Variants in RALYL observed in about 807,000 individuals in gnomAD.
The protein encoded by RALYL is RALY RNA binding protein like.
Under a neutral mutation model 35.1 loss-of-function variants are expected in RALYL, and 29 were observed. That is an observed-to-expected ratio of 0.83 (90% CI 0.61 to 1.13). RALYL has a LOEUF of 1.13. RALYL is among the 50% of genes most tolerant of loss of function. The pLI, the probability that RALYL is intolerant of heterozygous loss-of-function variation, is 0.00. For missense variants in RALYL, 359 were observed against 360.4 expected (o/e 1.00, Z 0.03); for synonymous variants, 120 against 127.6 (o/e 0.94, Z 0.40).
At chr8:84,408,236 G>T (rs2058746209) in intron 1 of RALYL, among the ~76,000 whole-genome samples, 1 of 151,848 alleles carries the variant, frequency 6.6e-6, no homozygotes, top group Admixed American at 6.6e-5. Context: ...TTTTTCTGTT[G>T]AACACAATAG....
In RALYL at chr8:84,833,570, G is replaced by A. The variant is rs562457374; in HGVS notation, c.366-16410G>A. On this transcript the variant is annotated intron_variant, in intron 4 of 8. Transcript: ENST00000521268. Reference sequence around the variant, plus strand: ...GGAGAATTGCTTGAACCCAGGAGGCGGAGGTTGCAGTGAGCTGAGATTGCG... The same window carrying A: ...GGAGAATTGCTTGAACCCAGGAGGCAGAGGTTGCAGTGAGCTGAGATTGCG... Among the ~76,000 whole-genome samples, 7 of 151,480 alleles carry A rather than the reference G, an allele frequency of 4.6e-5. No individual in the cohort carries two copies. The South Asian group carries it at 6.3e-4, about 14-fold the overall frequency.
At chr8:84,223,769 G>T (rs1402747963) in intron 1 of RALYL, among the ~76,000 whole-genome samples, 1 of 152,194 alleles carries the variant, frequency 6.6e-6, no homozygotes, top group African/African-American at 2.4e-5. Context: ...GTGGGAAGTG[G>T]CACATAGTAA....
chr8:84,500,143 A>C (rs2056503744), intron 1 of RALYL, among the ~76,000 whole-genome samples: 1 of 152,144 alleles, frequency 6.6e-6, no homozygotes, highest in South Asian at 2.1e-4. Flanking sequence ...ACTTAAGACA[A>C]ATTTCTATAA....
At chr8:84,471,178 C>G (rs941446938) in intron 1 of RALYL, among the ~76,000 whole-genome samples, 4 of 152,102 alleles carry the variant, frequency 2.6e-5, no homozygotes, top group Admixed American at 2.6e-4. Flanking sequence ...CACACCATGT[C>G]TGGTAGAAAA....
intron 1 of RALYL, among the ~76,000 whole-genome samples, chr8:84,277,159 A>G (rs946451645): frequency 6.6e-6 from 1 of 152,206 alleles, no homozygotes; most frequent in African/African-American, 2.4e-5. Flanking sequence ...GTAATTTATG[A>G]AAGAAAGAGG....
intron 2 of RALYL, among the ~76,000 whole-genome samples, chr8:84,683,250 C>T (rs1835991550): frequency 6.6e-6 from 1 of 152,124 alleles, no homozygotes; most frequent in Non-Finnish European, 1.5e-5. Flanking sequence ...CTGAGGAGAG[C>T]TTTACTTCCA....
intron 1 of RALYL, among the ~76,000 whole-genome samples, chr8:84,338,942 T>C (rs112995606): frequency 5.9e-5 from 9 of 152,120 alleles, no homozygotes; most frequent in South Asian, 2.1e-4. Flanking sequence ...ATAGAAATTT[T>C]AAAAATATAA....
intron 4 of RALYL, among the ~76,000 whole-genome samples, chr8:84,846,163 T>C (rs1834605860): frequency 6.6e-6 from 1 of 152,224 alleles, no homozygotes; most frequent in Non-Finnish European, 1.5e-5. Context: ...AATAGTTTCT[T>C]CCAGTTCTTT....
chr8:84,877,313 C>A (rs796553517), intron 7 of RALYL, among the ~76,000 whole-genome samples: 35 of 152,030 alleles, frequency 2.3e-4, no homozygotes, highest in African/African-American at 8.2e-4. Context: ...ATGGTGAAAC[C>A]CTGTCTCTAC....
intron 1 of RALYL, among the ~76,000 whole-genome samples, chr8:84,322,354 G>A (rs1845024111): frequency 6.6e-6 from 1 of 152,046 alleles, no homozygotes; most frequent in Admixed American, 6.6e-5. Flanking sequence ...AAAATTATAG[G>A]TAGGAGGAAC....
intron 1 of RALYL, among the ~76,000 whole-genome samples, chr8:84,286,035 G>A (rs898150049): frequency 3.9e-5 from 6 of 152,134 alleles, no homozygotes; most frequent in African/African-American, 1.4e-4. Flanking sequence ...ACAGCAGAGG[G>A]TGGTGACAAA....
In RALYL at chr8:84,851,556, G is replaced by A. The variant is rs117918438; in HGVS notation, c.413+1529G>A. Reference sequence around the variant, plus strand: ...TATGCAAACAACAAAAAAAACCTTAGGTACTGTATAAAAATGCAAACTTAG... The same window carrying A: ...TATGCAAACAACAAAAAAAACCTTAAGTACTGTATAAAAATGCAAACTTAG... On this transcript the variant is annotated intron_variant, in intron 5 of 8. Transcript: ENST00000521268. Among the ~76,000 whole-genome samples, 302 of 152,108 alleles carry A rather than the reference G, an allele frequency of 2.0e-3. 7 individuals carry two copies. In the East Asian group the frequency reaches 0.047, roughly 24 times the overall value.
rs1376557225 is a variant in RALYL at position 84,609,620 on chromosome 8, C to G, written c.256+80043C>G. 5.3e-5 allele frequency among the ~76,000 whole-genome samples: 8 copies of G among 152,260 alleles called. No individual in the cohort carries two copies. The East Asian group carries it at 5.8e-4, about 11-fold the overall frequency. Reference sequence around the variant, plus strand: ...TTAAAACGATTTTTTGAAACAATTTCAGTTTAACAGAAAAATTGAGCAGAC... The same window carrying G: ...TTAAAACGATTTTTTGAAACAATTTGAGTTTAACAGAAAAATTGAGCAGAC... On this transcript the variant is annotated intron_variant, in intron 2 of 8. Transcript: ENST00000521268.
chr8:84,722,641 A>ATATG (rs1300639544), intron 2 of RALYL, among the ~76,000 whole-genome samples: 1 of 143,782 alleles, frequency 7.0e-6, no homozygotes. Flanking sequence ...ATATATATAT[A>ATATG]TATATATGTA....
At chr8:84,792,639 G>A (rs1440035435) in intron 3 of RALYL, among the ~76,000 whole-genome samples, 1 of 152,182 alleles carries the variant, frequency 6.6e-6, no homozygotes, top group Non-Finnish European at 1.5e-5. Flanking sequence ...ACTCCCGTGT[G>A]TTCTGTCCAT....
chr8:84,791,342 C>T (rs1237317705), intron 3 of RALYL, among the ~76,000 whole-genome samples: 2 of 151,968 alleles, frequency 1.3e-5, no homozygotes, highest in Non-Finnish European at 2.9e-5. Context: ...GCAAGGATGC[C>T]AATGTTTCTA....
chr8:84,803,825 A>AAAT (rs1474193418), intron 3 of RALYL, among the ~76,000 whole-genome samples: 1 of 152,234 alleles, frequency 6.6e-6, no homozygotes, highest in Non-Finnish European at 1.5e-5. Context: ...ACATTTATAA[A>AAAT]AATAAATGTT....
chr8:84,761,634 C>A (rs1812733398), intron 2 of RALYL, among the ~76,000 whole-genome samples: 1 of 152,088 alleles, frequency 6.6e-6, no homozygotes, highest in Non-Finnish European at 1.5e-5. Context: ...CCTTCCACAG[C>A]AATGTTGAGT....
intron 3 of RALYL, among the ~76,000 whole-genome samples, chr8:84,800,731 C>T (rs930931983): frequency 6.6e-6 from 1 of 152,112 alleles, no homozygotes; most frequent in Admixed American, 6.6e-5. Context: ...TGTAATGATC[C>T]GTTTCTACAG....
Sources: gnomAD v4.1 joint callset for allele counts (sites outside exome capture counted in the v4.1 genomes callset) on GRCh38, gnomAD v4.1.1 for gene constraint, MANE v1.5 for transcripts, NCBI Gene and HGNC (gene_info 2026-07-23, HGNC 2026-07-21) for gene names.